Variants in LAMB1 observed in about 807,000 individuals in gnomAD.
The protein encoded by LAMB1 is laminin subunit beta-1.
Under a neutral mutation model 222.3 loss-of-function variants are expected in LAMB1, and 121 were observed. The observed-to-expected ratio is 0.54, with a 90% CI of 0.47 to 0.63. The LOEUF (loss-of-function observed/expected upper bound fraction) is 0.63. LAMB1 is among the 30% of genes least tolerant of loss of function. LAMB1 has a pLI of 0.00. For synonymous variants in LAMB1, 794 were observed against 807.2 expected (o/e 0.98, Z 0.28); for missense variants, 2,172 against 2,240.8 (o/e 0.97, Z 0.62).
chr7:107,960,524 G>A lies in LAMB1; in HGVS notation c.2235C>T (p.Ser745=), dbSNP rs539713485. The change falls in exon 18 of 34, where the codon AGC becomes AGT. Residue 745 remains serine (S), a synonymous_variant. Transcript: ENST00000222399. ...QRYRCLENSR[S]VVKTPMTDVC... is the part of the protein sequence containing the mutation. ...CATCTGTCATCGGTGTTTTCACAACGCTTCTGCTGTTCTCTAGACATCGGT... is the reference window on the plus strand; with the variant it reads ...CATCTGTCATCGGTGTTTTCACAACACTTCTGCTGTTCTCTAGACATCGGT... 42 of 1,614,158 alleles carry A rather than the reference G, an allele frequency of 2.6e-5. No individual in the cohort carries two copies. The East Asian group carries it at 4.0e-4, about 15-fold the overall frequency.
chr7:107,924,460 G>A, intron 32 of LAMB1, 71 bp from the exon 33 acceptor site: 1 of 1,220,658 alleles, frequency 8.2e-7, no homozygotes, highest in Non-Finnish European at 1.1e-6. Flanking sequence ...GAGCAATAGT[G>A]TAATCATGGC....
chr7:107,966,346 G>A (rs1355338905), intron 13 of LAMB1, among the ~76,000 whole-genome samples: 1 of 151,900 alleles, frequency 6.6e-6, no homozygotes, highest in Non-Finnish European at 1.5e-5. Context: ...GAGTAGCTGG[G>A]ACTATAGGCG....
At chr7:107,948,346 AT>A (rs1362837443) in intron 24 of LAMB1, among the ~76,000 whole-genome samples, 1 of 152,150 alleles carries the variant, frequency 6.6e-6, no homozygotes, top group Admixed American at 6.5e-5. Flanking sequence ...TTCACCCCAG[AT>A]TTTAACACTT....
chr7:107,979,168 C>A (rs549548213), intron 8 of LAMB1, among the ~76,000 whole-genome samples: 1 of 152,230 alleles, frequency 6.6e-6, no homozygotes, highest in South Asian at 2.1e-4. Flanking sequence ...ATTTGTTATG[C>A]CGTAAAGGGA....
At chr7:107,964,511 A>C (rs900174507) in intron 14 of LAMB1, 41 bp downstream of exon 14, 21 of 1,612,980 alleles carry the variant, frequency 1.3e-5, no homozygotes, top group Non-Finnish European at 1.7e-5. Flanking sequence ...CTACACCCCA[A>C]AACACTGCTT....
At chr7:107,941,708 A>G (rs2032985350) in intron 24 of LAMB1, among the ~76,000 whole-genome samples, 1 of 150,770 alleles carries the variant, frequency 6.6e-6, no homozygotes, top group Admixed American at 6.6e-5. Context: ...AGGCTGGAGT[A>G]CAATGGCGCG....
rs2033440797 is a variant in LAMB1, at chr7:107,959,227, C to T, written c.2690+22G>A. The T allele has an allele frequency of 2.5e-6, 4 of 1,582,522 alleles. No individual in the cohort carries two copies. In the South Asian group the frequency reaches 4.5e-5, roughly 18 times the overall value. ...CTCAGCCAGAGATCACTACATTCTC[C>T]TTACTTTCAGCATCTGCATACCTTT... is the stretch of plus-strand genomic sequence containing the variant. On this transcript the variant is annotated intron_variant, in intron 20 of 33. Transcript: ENST00000222399.
intron 8 of LAMB1, among the ~76,000 whole-genome samples, chr7:107,978,689 T>A (rs1482125879): frequency 2.0e-5 from 3 of 152,156 alleles, no homozygotes; most frequent in Admixed American, 6.5e-5. Flanking sequence ...TTTCTTTCAA[T>A]GACAGTAAAA....
chr7:108,002,026 C>G (rs1485482097), intron 2 of LAMB1: 9 of 1,444,326 alleles, frequency 6.2e-6, no homozygotes, highest in Non-Finnish European at 8.2e-6. Flanking sequence ...CTGATCAGCC[C>G]CGGGGAGCAG....
intron 32 of LAMB1, among the ~76,000 whole-genome samples, chr7:107,925,600 CATT>C (rs1225953746): frequency 6.6e-6 from 1 of 152,036 alleles, no homozygotes; most frequent in Non-Finnish European, 1.5e-5. Flanking sequence ...TAGAAATAAG[CATT>C]ATTGAGAAAC....
In LAMB1 at chr7:107,949,580, G is replaced by A. The variant is rs1351660061; in HGVS notation, c.3391+1646C>T. 2.0e-5 allele frequency among the ~76,000 whole-genome samples: 3 copies of A among 152,280 alleles called. No individual in the cohort carries two copies. In the East Asian group the frequency reaches 5.8e-4, roughly 29 times the overall value. ...CCACTGGATTTCAATACCTTCTAAT[G>A]GAAGAGGGGATGTCAGATCTCATTA... On this transcript the variant is annotated intron_variant, in intron 24 of 33. Transcript: ENST00000222399.
At chr7:107,966,219 T>G (rs1429828671) in intron 13 of LAMB1, among the ~76,000 whole-genome samples, 1 of 152,168 alleles carries the variant, frequency 6.6e-6, no homozygotes, top group African/African-American at 2.4e-5. Flanking sequence ...ATTATTATTT[T>G]TTTATTTTTG....
intron 31 of LAMB1, among the ~76,000 whole-genome samples, chr7:107,928,131 G>A (rs1006708983): frequency 3.3e-5 from 5 of 152,186 alleles, no homozygotes; most frequent in Non-Finnish European, 5.9e-5. Context: ...TCTTTTAAGA[G>A]ATAAAGAGGA....
chr7:107,970,774 T>TA (rs2033733373), intron 13 of LAMB1, among the ~76,000 whole-genome samples: 1 of 151,846 alleles, frequency 6.6e-6, no homozygotes, highest in Non-Finnish European at 1.5e-5. Context: ...CTCTGTTGCC[T>TA]AGGCTGGAGT....
At chr7:107,982,566 T>A (rs1297704780) in intron 7 of LAMB1, among the ~76,000 whole-genome samples, 1 of 151,128 alleles carries the variant, frequency 6.6e-6, no homozygotes, top group East Asian at 1.9e-4. Context: ...CCTGCACAAA[T>A]CCTCCTGCAC....
intron 29 of LAMB1, among the ~76,000 whole-genome samples, chr7:107,930,672 A>G (rs1265381425): frequency 6.6e-6 from 1 of 152,202 alleles, no homozygotes; most frequent in East Asian, 1.9e-4. Context: ...AAAAGATGCA[A>G]GGAATAGGTG....
At chr7:107,987,863 G>A (rs909983080) in intron 5 of LAMB1, among the ~76,000 whole-genome samples, 2 of 152,206 alleles carry the variant, frequency 1.3e-5, no homozygotes, top group African/African-American at 4.8e-5. Context: ...GCGGCTGCAC[G>A]TGGCAGAAGA....
chr7:107,941,862 A>T (rs2032991308), intron 24 of LAMB1, among the ~76,000 whole-genome samples: 3 of 93,000 alleles, frequency 3.2e-5, no homozygotes, highest in South Asian at 4.0e-4. Context: ...TTTTTTTAAG[A>T]GACGGTGTTT....
intron 5 of LAMB1, among the ~76,000 whole-genome samples, chr7:107,990,277 C>T (rs1332147036): frequency 6.6e-6 from 1 of 152,052 alleles, no homozygotes; most frequent in African/African-American, 2.4e-5. Context: ...GAAGCTCAAG[C>T]GATCCCCCCA....
Sources: gnomAD v4.1 joint callset for allele counts (sites outside exome capture counted in the v4.1 genomes callset) on GRCh38, gnomAD v4.1.1 for gene constraint, MANE v1.5 for transcripts, NCBI Gene and HGNC (gene_info 2026-07-23, HGNC 2026-07-21) for gene names.